Variants in FOXO1 observed in about 807,000 individuals in gnomAD.
FOXO1 encodes the protein forkhead box protein O1.
A neutral mutation model predicts 44.1 loss-of-function variants in FOXO1; 6 were observed. That is an observed-to-expected ratio of 0.14 (90% CI 0.07 to 0.27). The LOEUF is 0.27. FOXO1 is among the 10% of genes least tolerant of loss of function. FOXO1 has a pLI of 1.00. For missense variants in FOXO1, 737 were observed against 888.8 expected (o/e 0.83, Z 2.17); for synonymous variants, 380 against 362.7 (o/e 1.05, Z -0.54).
At chr13:40,595,938 A>ATTT (rs71080387) in intron 1 of FOXO1, among the ~76,000 whole-genome samples, 2,004 of 130,794 alleles carry the variant, frequency 0.015, 58 homozygotes, top group African/African-American at 0.041. Context: ...ATGTCAGCTA[A>ATTT]TTTTTTTTTT....
chr13:40,627,436 C>T (rs1876820550), intron 1 of FOXO1, among the ~76,000 whole-genome samples: 1 of 152,164 alleles, frequency 6.6e-6, no homozygotes, highest in East Asian at 1.9e-4. Flanking sequence ...CACTGTATAA[C>T]CCTGTACTGG....
chr13:40,650,310 A>G (rs1049489607), intron 1 of FOXO1, among the ~76,000 whole-genome samples: 5 of 152,108 alleles, frequency 3.3e-5, no homozygotes, highest in South Asian at 2.1e-4. Context: ...TTTTACCAGC[A>G]AGGTCTTTAT....
chr13:40,665,298 T>C (rs1878191490), intron 1 of FOXO1, among the ~76,000 whole-genome samples: 1 of 152,212 alleles, frequency 6.6e-6, no homozygotes, highest in African/African-American at 2.4e-5. Flanking sequence ...TGGCAAACTT[T>C]TCGGCCTCGC....
At chr13:40,659,589 A>C (rs1265031277) in intron 1 of FOXO1, among the ~76,000 whole-genome samples, 1 of 152,000 alleles carries the variant, frequency 6.6e-6, no homozygotes. Flanking sequence ...CTGCAGATTT[A>C]CCTTTTTAGT....
At position 40,568,621 on chromosome 13, in the gene FOXO1, T is replaced by C. The variant is rs142655471; in HGVS notation, c.631-7761A>G. ...CAGTATGTAAATCAATGTTAGAAAG[T>C]GTTTAACACAAGATCTGCTGAGAAT... is the stretch of plus-strand genomic sequence containing the variant. On this transcript the variant is annotated intron_variant, in intron 1 of 2. Transcript: ENST00000379561. Among the ~76,000 whole-genome samples, 7 of 152,332 alleles carry C rather than the reference T, an allele frequency of 4.6e-5. 1 individual carries two copies. Among genetic ancestry groups the C allele is most frequent in the Admixed American group, 4.6e-4 (7 of 15,308 alleles).
chr13:40,567,765 C>T (rs1445217642), intron 1 of FOXO1, among the ~76,000 whole-genome samples: 1 of 151,960 alleles, frequency 6.6e-6, no homozygotes, highest in Non-Finnish European at 1.5e-5. Flanking sequence ...ATCAGGAGTT[C>T]GAGACCAGCC....
chr13:40,563,240 C>T (rs1874114020), intron 1 of FOXO1, among the ~76,000 whole-genome samples: 8 of 152,206 alleles, frequency 5.3e-5, no homozygotes, highest in Admixed American at 5.2e-4. Context: ...CTGAGCAGAG[C>T]CTCTGCACAG....
chr13:40,663,525 G>T (rs1187435721), intron 1 of FOXO1, among the ~76,000 whole-genome samples: 1 of 152,052 alleles, frequency 6.6e-6, no homozygotes, highest in Non-Finnish European at 1.5e-5. Flanking sequence ...AAAGGGGGGA[G>T]GATTTTTTTT....
At position 40,586,601 on chromosome 13, in the gene FOXO1, G is replaced by C. The variant is rs745971009; in HGVS notation, c.631-25741C>G. On this transcript the variant is annotated intron_variant, in intron 1 of 2. Transcript: ENST00000379561. ...GATAAAAGGTACCAAATGGGAAATAGTGTGTAGTATCAGTTTTGACAATTT... is the reference window on the plus strand; with the variant it reads ...GATAAAAGGTACCAAATGGGAAATACTGTGTAGTATCAGTTTTGACAATTT... 2.6e-5 allele frequency among the ~76,000 whole-genome samples: 4 copies of C among 152,164 alleles called. No individual in the cohort carries two copies. In the South Asian group the frequency reaches 8.3e-4, roughly 31 times the overall value.
chr13:40,564,801 TCTC>T (rs144816719), intron 1 of FOXO1, among the ~76,000 whole-genome samples: 7,935 of 152,108 alleles, frequency 0.052, 549 homozygotes, highest in African/African-American at 0.16. Context: ...AGCCAGCCAA[TCTC>T]CTCTCCACTA....
chr13:40,616,236 C>T (rs1876418121), intron 1 of FOXO1, among the ~76,000 whole-genome samples: 1 of 151,272 alleles, frequency 6.6e-6, no homozygotes, highest in South Asian at 2.1e-4. Flanking sequence ...TTAGCTGAGA[C>T]AAGAATATCT....
At chr13:40,619,206 A>T in intron 1 of FOXO1, 1 of 359,842 alleles carries the variant, frequency 2.8e-6, no homozygotes, top group Non-Finnish European at 5.3e-6. Flanking sequence ...AGGCAGGAGA[A>T]TCGCTTGAAT....
chr13:40,602,793 G>A (rs1341569551), intron 1 of FOXO1, among the ~76,000 whole-genome samples: 3 of 152,158 alleles, frequency 2.0e-5, no homozygotes, highest in African/African-American at 7.2e-5. Flanking sequence ...TTTAGGTATA[G>A]GTTAGCAGCA....
At chr13:40,618,761 A>C (rs994325989) in intron 1 of FOXO1, 3 of 497,184 alleles carry the variant, frequency 6.0e-6, no homozygotes, top group Admixed American at 2.1e-5. Context: ...GATCTAGATC[A>C]GATGGTGGTG....
In FOXO1 at chr13:40,560,303, G is replaced by A. The variant is rs201548760; in HGVS notation, c.1188C>T (p.Gly396=). The A allele has an allele frequency of 2.2e-5, 35 of 1,614,198 alleles. No homozygotes were observed. In the East Asian group the frequency reaches 7.4e-4, roughly 34 times the overall value. The part of the protein sequence containing the change: ...SLTVSTQSSP[G]TMMQQTPCYS... ...AGCACGGCGTCTGCTGCATCATGGT[G>A]CCAGGTGAGGACTGGGTCGAAACAG... Residue 396 remains glycine, a synonymous_variant, in exon 2 of 3, where the codon GGC becomes GGT. Coordinates refer to ENST00000379561, the MANE Select transcript of FOXO1 (RefSeq NM_002015.4). The surrounding 1 kb of genome is among the most constrained non-coding windows in gnomAD (Gnocchi z 5.1).
intron 1 of FOXO1, chr13:40,620,302 G>C: frequency 4.1e-6 from 4 of 978,342 alleles, no homozygotes; most frequent in Non-Finnish European, 6.6e-6. Flanking sequence ...TCCAGAGTAG[G>C]GCTAACAGAA....
intron 1 of FOXO1, among the ~76,000 whole-genome samples, chr13:40,659,843 G>T (rs1446575437): frequency 6.6e-6 from 1 of 152,104 alleles, no homozygotes; most frequent in African/African-American, 2.4e-5. Flanking sequence ...TAAAAAGGCT[G>T]AACCATATAA....
chr13:40,570,650 G>C (rs1025485129), intron 1 of FOXO1, among the ~76,000 whole-genome samples: 1 of 152,156 alleles, frequency 6.6e-6, no homozygotes, highest in Non-Finnish European at 1.5e-5. Flanking sequence ...CCATACCAAA[G>C]CTTTTGCATT....
rs1035749617 is a variant in FOXO1, at chr13:40,616,280, G to GA, written c.630+49302dup. 5.4e-5 allele frequency among the ~76,000 whole-genome samples: 8 copies of GA among 149,192 alleles called. No homozygotes were observed. The South Asian group carries it at 6.3e-4, about 12-fold the overall frequency. On this transcript the variant is annotated intron_variant, in intron 1 of 2. Coordinates refer to ENST00000379561, the MANE Select transcript of FOXO1 (RefSeq NM_002015.4). ...TAGTAAGGAGGATTTCTTTTTAAAT[G>GA]AAAAAAAAAATTAAAACGCAAAAAA...
Sources: allele counts gnomAD v4.1 joint callset (sites outside exome capture counted in the v4.1 genomes callset), GRCh38; gene constraint gnomAD v4.1.1; non-coding constraint Gnocchi (gnomAD v3.1); transcripts MANE v1.5; gene names NCBI Gene and HGNC (gene_info 2026-07-23, HGNC 2026-07-21).